MRPS31: variants seen among roughly 807,000 people sequenced by gnomAD.
The protein encoded by MRPS31 is mitochondrial ribosomal protein S31, also known as small ribosomal subunit protein mS31.
A neutral mutation model predicts 43.1 loss-of-function variants in MRPS31; 32 were observed. The observed-to-expected ratio is 0.74, with a 90% confidence interval of 0.56 to 1.00. The LOEUF is 1.00. MRPS31 is among the 50% of genes least tolerant of loss of function. The probability of loss-of-function intolerance (pLI) is 0.00; values close to 1 mark genes in which losing one functional copy is unlikely to be tolerated. For missense variants in MRPS31, 437 were observed against 466.7 expected (o/e 0.94, Z 0.59); for synonymous variants, 165 against 161.6 (o/e 1.02, Z -0.16).
intron 2 of MRPS31, among the ~76,000 whole-genome samples, chr13:40,765,081 G>T (rs1449684452): frequency 6.6e-6 from 1 of 152,096 alleles, no homozygotes; most frequent in Non-Finnish European, 1.5e-5. Flanking sequence ...GGGAGGGGAG[G>T]AAAAAATCAT....
At chr13:40,738,607 A>C (rs1482996283) in intron 6 of MRPS31, among the ~76,000 whole-genome samples, 1 of 152,172 alleles carries the variant, frequency 6.6e-6, no homozygotes, top group African/African-American at 2.4e-5. Context: ...AGTGGGCTTC[A>C]TCCCTGGGAT....
intron 6 of MRPS31, among the ~76,000 whole-genome samples, chr13:40,733,318 G>T (rs1392071128): frequency 1.3e-5 from 2 of 151,972 alleles, no homozygotes; most frequent in Non-Finnish European, 2.9e-5. Context: ...GAAGCATTTG[G>T]AAGTTAAAAA....
intron 2 of MRPS31, among the ~76,000 whole-genome samples, chr13:40,763,047 A>G (rs967103819): frequency 6.6e-5 from 10 of 152,230 alleles, no homozygotes; most frequent in African/African-American, 2.4e-4. Flanking sequence ...GCAGGGATCA[A>G]TTAAGTGAGT....
At chr13:40,741,247 T>C (rs1427270439) in intron 6 of MRPS31, among the ~76,000 whole-genome samples, 1 of 152,178 alleles carries the variant, frequency 6.6e-6, no homozygotes, top group African/African-American at 2.4e-5. Flanking sequence ...ATTATTACCT[T>C]TTATATTAAA....
Position 40,767,031 on chromosome 13 carries a change from G to C in MRPS31, c.155C>G (p.Thr52Arg). The C allele has an allele frequency of 1.3e-6, 2 of 1,597,250 alleles. No individual in the cohort carries two copies. The highest frequency in any genetic ancestry group is 1.7e-6 in the Non-Finnish European group (2 of 1,174,160). Reference sequence around the variant, plus strand: ...AAAATATCTTTGGATGTTATTTTTTGTCCTGGAAAGATGCATTAAAGAAAA... The same window carrying C: ...AAAATATCTTTGGATGTTATTTTTTCTCCTGGAAAGATGCATTAAAGAAAA... Reference protein sequence around the residue: ...RYRSSALLARTKNNIQRYFGT... With the variant: ...RYRSSALLARRKNNIQRYFGT... Residue 52 changes from threonine to arginine, a missense_variant and splice_region_variant, in exon 2 of 7, where the codon ACA (threonine) becomes AGA (arginine). Thr to Arg is a moderately conservative substitution (Grantham distance 71). Coordinates refer to ENST00000323563, the MANE Select transcript of MRPS31 (RefSeq NM_005830.4).
At chr13:40,746,102 A>G (rs1035729821) in intron 6 of MRPS31, among the ~76,000 whole-genome samples, 1 of 152,222 alleles carries the variant, frequency 6.6e-6, no homozygotes, top group Non-Finnish European at 1.5e-5. Flanking sequence ...ACTGCGAACT[A>G]AATTGTAAAC....
intron 4 of MRPS31, among the ~76,000 whole-genome samples, chr13:40,756,413 C>T (rs1281658356): frequency 6.6e-6 from 1 of 152,126 alleles, no homozygotes; most frequent in Non-Finnish European, 1.5e-5. Context: ...GTTATATAAA[C>T]TTTTTTCCTC....
chr13:40,770,962 C>A (rs770860453), intron 1 of MRPS31, 23 bp downstream of exon 1: 1 of 1,613,992 alleles, frequency 6.2e-7, no homozygotes, highest in Admixed American at 1.7e-5. Context: ...CAGGACGGGG[C>A]ACGGGGTTGC....
At chr13:40,729,716 T>G in intron 6 of MRPS31, 115 bp from the exon 7 acceptor site, 1 of 722,948 alleles carries the variant, frequency 1.4e-6, no homozygotes, top group African/African-American at 1.8e-5. Flanking sequence ...ACTTTGGAGT[T>G]AGACCTAGGT....
intron 5 of MRPS31, among the ~76,000 whole-genome samples, chr13:40,753,486 G>A (rs756139127): frequency 5.3e-5 from 8 of 152,182 alleles, no homozygotes; most frequent in Non-Finnish European, 7.3e-5. Context: ...AAGCCTGACC[G>A]AAACTAGCAA....
At chr13:40,739,906 A>T (rs995838468) in intron 6 of MRPS31, among the ~76,000 whole-genome samples, 1 of 151,952 alleles carries the variant, frequency 6.6e-6, no homozygotes, top group African/African-American at 2.4e-5. Context: ...AAAACACCAA[A>T]AGCAATGGCA....
intron 6 of MRPS31, among the ~76,000 whole-genome samples, chr13:40,746,618 G>A (rs954174574): frequency 6.6e-6 from 1 of 152,184 alleles, no homozygotes; most frequent in African/African-American, 2.4e-5. Flanking sequence ...GATCACTCAA[G>A]ATTTTGATGC....
At chr13:40,746,419 T>TAA (rs2138003162) in intron 6 of MRPS31, among the ~76,000 whole-genome samples, 1 of 152,306 alleles carries the variant, frequency 6.6e-6, no homozygotes, top group Non-Finnish European at 1.5e-5. Context: ...ACAACTGCCT[T>TAA]AAGGAGCTGA....
intron 1 of MRPS31, 166 bp downstream of exon 1, chr13:40,770,817 GCT>G (rs1323318981): frequency 4.1e-5 from 33 of 803,520 alleles, no homozygotes; most frequent in Non-Finnish European, 6.1e-5. Context: ...TGTAATCGTA[GCT>G]CTGTTTTCAC....
At chr13:40,760,256 A>G (rs1206650763) in intron 2 of MRPS31, among the ~76,000 whole-genome samples, 1 of 152,036 alleles carries the variant, frequency 6.6e-6, no homozygotes, top group Non-Finnish European at 1.5e-5. Flanking sequence ...ATGGCTACTG[A>G]CTGGGAAGGT....
In MRPS31 at chr13:40,749,219, G is replaced by A. The variant is rs139173700; in HGVS notation, c.877C>T (p.Pro293Ser). 6.2e-4 allele frequency: 991 copies of A among 1,600,468 alleles called. 2 individuals carry two copies. The highest frequency in any genetic ancestry group is 7.8e-4 in the Non-Finnish European group (920 of 1,176,852). The change falls in exon 6 of 7, where the codon CCC becomes TCC. Residue 293 changes from proline to serine, a missense_variant. Coordinates refer to ENST00000323563, the MANE Select transcript of MRPS31 (RefSeq NM_005830.4). ...AGCTCTTCAAATCCATTCTGAAGGG[G>A]TTGTTCATTTACTGTGGCTAACTGC... ...AKQLATVNEQPLQNGFEELIQ... is the reference protein window; with the variant it reads ...AKQLATVNEQSLQNGFEELIQ...
chr13:40,744,456 T>C (rs1222531919), intron 6 of MRPS31, among the ~76,000 whole-genome samples: 1 of 152,234 alleles, frequency 6.6e-6, no homozygotes, highest in African/African-American at 2.4e-5. Flanking sequence ...TTTAGCTATT[T>C]GAAAAAAATA....
intron 6 of MRPS31, among the ~76,000 whole-genome samples, chr13:40,735,053 T>C (rs1879841841): frequency 1.3e-5 from 2 of 152,124 alleles, no homozygotes; most frequent in African/African-American, 4.8e-5. Context: ...TGCCAGACAG[T>C]GGGCGCAGGT....
chr13:40,755,696 C>T (rs1880508580), intron 4 of MRPS31, among the ~76,000 whole-genome samples: 1 of 152,216 alleles, frequency 6.6e-6, no homozygotes, highest in Admixed American at 6.5e-5. Flanking sequence ...GGCGTCTCAC[C>T]ATTGCTTCCC....
Sources: allele counts gnomAD v4.1 joint callset (sites outside exome capture counted in the v4.1 genomes callset), GRCh38; gene constraint gnomAD v4.1.1; transcripts MANE v1.5; gene names NCBI Gene and HGNC (gene_info 2026-07-23, HGNC 2026-07-21).